ZFAT: variants seen among roughly 807,000 people sequenced by gnomAD.
The protein encoded by ZFAT is zinc finger and AT-hook domain containing, also known as zinc finger protein ZFAT.
ZFAT carries 64 observed loss-of-function variants against 117.7 expected under a neutral mutation model. The ratio of observed to expected loss-of-function variants is 0.54; its 90% CI spans 0.44 to 0.67. ZFAT has a LOEUF of 0.67. ZFAT is among the 30% of genes least tolerant of loss of function. ZFAT has a pLI of 0.00. For synonymous variants in ZFAT, 679 were observed against 615.0 expected (o/e 1.10, Z -1.54); for missense variants, 1,433 against 1,584.5 (o/e 0.90, Z 1.62).
At chr8:134,825,921 T>G in the ZFAT span, among the ~76,000 whole-genome samples, 1 of 151,028 alleles carries the variant, frequency 6.6e-6, no homozygotes, top group Non-Finnish European at 1.5e-5. Flanking sequence ...CTCAGGAGGC[T>G]GAGGCAGGAG....
At position 134,496,684 on chromosome 8, in the gene ZFAT, C is replaced by A. The variant is rs1216057985; in HGVS notation, c.3492+12935G>T. 2.0e-5 allele frequency among the ~76,000 whole-genome samples: 3 copies of A among 152,270 alleles called. No individual in the cohort carries two copies. In the South Asian group the frequency reaches 6.2e-4, roughly 31 times the overall value. ...GAGATGGGTGAGACCAAATTGTCAC[C>A]TGCTCTCATGGAGCTTCCAGTTTGC... On this transcript the variant is annotated intron_variant, in intron 15 of 15. Transcript: ENST00000377838.
At chr8:134,696,515 C>T (rs940673560) in intron 1 of ZFAT, 13 of 983,114 alleles carry the variant, frequency 1.3e-5, no homozygotes, top group Middle Eastern at 5.3e-4. Context: ...GTGAGGCCAC[C>T]GCCTCTCCAT....
the ZFAT span, among the ~76,000 whole-genome samples, chr8:134,752,760 A>T: frequency 9.9e-5 from 15 of 152,016 alleles, no homozygotes; most frequent in Non-Finnish European, 2.9e-5. Flanking sequence ...CTCACATAGC[A>T]GAGAGGGAGG....
At chr8:134,741,273 G>A in the ZFAT span, among the ~76,000 whole-genome samples, 1 of 150,252 alleles carries the variant, frequency 6.7e-6, no homozygotes, top group African/African-American at 2.5e-5. Context: ...GGCTCACGTT[G>A]ACCTCTCAAA....
rs761262064 is a variant in ZFAT, at chr8:134,610,651, G to A, written c.453C>T (p.Asn151=). 8 of 1,613,634 alleles carry A rather than the reference G, an allele frequency of 5.0e-6. No homozygotes were observed. The highest frequency in any genetic ancestry group is 3.3e-5 in the Admixed American group (2 of 59,916). The change falls in exon 4 of 16, where the codon AAC becomes AAT. Residue 151 remains asparagine, a synonymous_variant. Transcript: ENST00000377838. ...NLGEEEGEAG[N]ESDLELEKKC... is the part of the protein sequence containing the mutation. ...TCTTTTCTAGTTCAAGGTCAGACTCGTTACCTAAGGAGCAAATACCAAGAT... is the reference window on the plus strand; with the variant it reads ...TCTTTTCTAGTTCAAGGTCAGACTCATTACCTAAGGAGCAAATACCAAGAT...
At chr8:134,755,141 C>T in the ZFAT span, among the ~76,000 whole-genome samples, 3 of 151,732 alleles carry the variant, frequency 2.0e-5, no homozygotes, top group East Asian at 3.9e-4. Context: ...TGGTGGCTCA[C>T]GCCTGTAATC....
At chr8:134,813,994 T>C in the ZFAT span, among the ~76,000 whole-genome samples, 15 of 152,142 alleles carry the variant, frequency 9.9e-5, no homozygotes, top group Non-Finnish European at 1.3e-4. Context: ...TCCTTTTTAA[T>C]CAAACTTTAT....
the ZFAT span, among the ~76,000 whole-genome samples, chr8:134,787,387 A>C: frequency 6.6e-6 from 1 of 152,136 alleles, no homozygotes; most frequent in African/African-American, 2.4e-5. Context: ...TTTTTCCCCA[A>C]TACAGCTATC....
At chr8:134,644,835 G>T (rs1210107863) in intron 2 of ZFAT, among the ~76,000 whole-genome samples, 1 of 151,382 alleles carries the variant, frequency 6.6e-6, no homozygotes, top group African/African-American at 2.4e-5. Flanking sequence ...TATCACACAC[G>T]TGCACACTCA....
chr8:134,716,815 AAGGGTCAAAAT>A (rs1305241230), upstream of ZFAT, among the ~76,000 whole-genome samples: 2 of 152,242 alleles, frequency 1.3e-5, no homozygotes, highest in Non-Finnish European at 2.9e-5. Context: ...AATTCAAAGA[AAGGGTCAAAAT>A]AGGATATTTT....
intron 11 of ZFAT, among the ~76,000 whole-genome samples, chr8:134,534,797 G>GAGAGAA (rs57480309): frequency 6.8e-6 from 1 of 146,292 alleles, no homozygotes; most frequent in African/African-American, 2.5e-5. Flanking sequence ...GAGAGAGAGA[G>GAGAGAA]GAGGGAGGAA....
intron 11 of ZFAT, among the ~76,000 whole-genome samples, chr8:134,534,384 TG>T (rs1821661040): frequency 6.6e-6 from 1 of 152,198 alleles, no homozygotes; most frequent in African/African-American, 2.4e-5. Context: ...TTTTCACCAC[TG>T]TTGCCCAGAA....
the ZFAT span, among the ~76,000 whole-genome samples, chr8:134,747,271 A>T: frequency 6.6e-6 from 1 of 151,614 alleles, no homozygotes; most frequent in East Asian, 1.9e-4. Flanking sequence ...AAAAATTTTT[A>T]TACAGATGAG....
intron 10 of ZFAT, among the ~76,000 whole-genome samples, chr8:134,581,732 G>A (rs762234921): frequency 2.7e-4 from 41 of 152,164 alleles, no homozygotes; most frequent in Non-Finnish European, 5.3e-4. Flanking sequence ...CCACAGGTGT[G>A]AGCCACCATG....
chr8:134,735,820 C>T, the ZFAT span, among the ~76,000 whole-genome samples: 1 of 152,012 alleles, frequency 6.6e-6, no homozygotes, highest in East Asian at 1.9e-4. Flanking sequence ...CCCTATGAGC[C>T]CAGTAGGTTA....
intron 1 of ZFAT, among the ~76,000 whole-genome samples, chr8:134,680,648 C>T (rs904378884): frequency 1.3e-5 from 2 of 152,054 alleles, no homozygotes; most frequent in Admixed American, 6.5e-5. Flanking sequence ...CAACACACTG[C>T]ACCGGCACCA....
intron 1 of ZFAT, among the ~76,000 whole-genome samples, chr8:134,696,859 G>C (rs1462129061): frequency 2.0e-5 from 3 of 152,160 alleles, no homozygotes; most frequent in Non-Finnish European, 4.4e-5. Flanking sequence ...TGGACTCTAC[G>C]TATCTCTCTC....
At chr8:134,685,051 G>A (rs571423421) in intron 1 of ZFAT, among the ~76,000 whole-genome samples, 3 of 152,178 alleles carry the variant, frequency 2.0e-5, no homozygotes, top group African/African-American at 7.2e-5. Context: ...TAGCTGCAAG[G>A]AGGTGTTTAC....
chr8:134,706,364 TAGA>T (rs1474885855), intron 1 of ZFAT, among the ~76,000 whole-genome samples: 1 of 152,200 alleles, frequency 6.6e-6, no homozygotes, highest in Non-Finnish European at 1.5e-5. Context: ...TGATGTTCTA[TAGA>T]AGAAGAAACT....
Sources: gnomAD v4.1 joint callset for allele counts (sites outside exome capture counted in the v4.1 genomes callset) on GRCh38, gnomAD v4.1.1 for gene constraint, MANE v1.5 for transcripts, NCBI Gene and HGNC (gene_info 2026-07-23, HGNC 2026-07-21) for gene names.